The following FRA10AC1 variants were observed in gnomAD, a reference collection of about 807,000 sequenced individuals.
FRA10AC1 encodes the protein FRA10A associated CGG repeat 1.
A neutral mutation model predicts 56.5 loss-of-function variants in FRA10AC1; 43 were observed. The ratio of observed to expected loss-of-function variants is 0.76; its 90% CI spans 0.60 to 0.98. FRA10AC1 has a LOEUF of 0.98. Ranked by LOEUF, FRA10AC1 falls within the 50% of genes least tolerant of loss-of-function variation. The pLI, the probability that FRA10AC1 is intolerant of heterozygous loss-of-function variation, is 0.00. For missense variants in FRA10AC1, 346 were observed against 351.8 expected (o/e 0.98, Z 0.13); for synonymous variants, 112 against 110.5 (o/e 1.01, Z -0.09).
chr10:93,675,185 C>T (rs561011675), intron 12 of FRA10AC1: 4 of 152,304 alleles, frequency 2.6e-5, no homozygotes, highest in Non-Finnish European at 4.4e-5. Context: ...ATCTCCCTCT[C>T]TGCTAAATTT....
intron 1 of FRA10AC1, among the ~76,000 whole-genome samples, chr10:93,700,999 TA>T (rs1157074465): frequency 2.0e-5 from 3 of 152,056 alleles, no homozygotes; most frequent in Non-Finnish European, 4.4e-5. Flanking sequence ...CTGGCAAACT[TA>T]AAAAAATTTT....
At chr10:93,669,941 A>G in intron 13 of FRA10AC1, 73 bp from the exon 14 acceptor site, 1 of 737,204 alleles carries the variant, frequency 1.4e-6, no homozygotes, top group Non-Finnish European at 2.3e-6. Flanking sequence ...ATATGAGATT[A>G]ATAAAAATAA....
rs766594449 is a variant in FRA10AC1 at position 93,694,918 on chromosome 10, A to G, written c.239T>C (p.Phe80Ser). 1 of 1,558,816 alleles carries G rather than the reference A, an allele frequency of 6.4e-7. No individual in the cohort carries two copies. The highest frequency in any genetic ancestry group is 1.1e-5 in the South Asian group (1 of 89,722). Residue 80 changes from phenylalanine (F) to serine (S), a missense_variant, in exon 5 of 14, where the codon TTC becomes TCC. Phe to Ser is a radical substitution (Grantham distance 155, BLOSUM62 -2). Coordinates refer to ENST00000359204, the MANE Select transcript of FRA10AC1 (RefSeq NM_145246.5). The part of the protein sequence containing the change: ...AMDAYQRHTK[F>S]VNDYILYYGG... The stretch of plus-strand genomic sequence containing the variant: ...ATAGTATAAAATATAGTCATTTACG[A>G]ACTTTGTATGTCTTTGATACTGAAA...
chr10:93,694,708 C>G (rs2059198923), intron 5 of FRA10AC1, among the ~76,000 whole-genome samples, 153 bp downstream of exon 5: 1 of 93,442 alleles, frequency 1.1e-5, no homozygotes, highest in Non-Finnish European at 2.1e-5. Context: ...AGTGAGACTC[C>G]ATCTTAAAAA....
chr10:93,692,088 T>C lies in FRA10AC1; in HGVS notation c.386A>G (p.Lys129Arg). The change falls in exon 7 of 14, where the codon AAG (lysine) becomes AGG (arginine). Residue 129 changes from lysine (K) to arginine (R), a missense_variant. Physicochemically the swap from Lys to Arg is conservative, Grantham distance 26. Coordinates refer to ENST00000359204, the MANE Select transcript of FRA10AC1 (RefSeq NM_145246.5). Reference protein sequence around the residue: ...EEDEMDMTWEKRLAKKYYDKL... With the variant: ...EEDEMDMTWERRLAKKYYDKL... ...ATCATAGTATTTCTTAGCAAGTCTC[T>C]TCTCCCTAGACCCATGAAAATATAA... 6.5e-7 allele frequency: 1 copy of C among 1,542,660 alleles called. No homozygotes were observed. Among genetic ancestry groups the C allele is most frequent in the Non-Finnish European group, 8.7e-7 (1 of 1,151,528 alleles).
At chr10:93,673,530 T>C (rs1163682068) in intron 12 of FRA10AC1, 8 of 363,780 alleles carry the variant, frequency 2.2e-5, no homozygotes, top group African/African-American at 6.4e-5. Flanking sequence ...TCATCTTGGT[T>C]TTTGTGGATA....
chr10:93,678,547 G>A (rs1446325645), intron 11 of FRA10AC1, among the ~76,000 whole-genome samples: 1 of 152,178 alleles, frequency 6.6e-6, no homozygotes, highest in Non-Finnish European at 1.5e-5. Context: ...AGCAGCTAAG[G>A]AGGTCGGGTG....
At position 93,681,470 on chromosome 10, in the gene FRA10AC1, T is replaced by C. The variant is rs370230472; in HGVS notation, c.787+10A>G. On this transcript the variant is annotated intron_variant, in intron 11 of 13. Transcript: ENST00000359204. ...ATGTGAGTAGATGCCTTATCTTAAT[T>C]TCCTTTTACCTTTATCTTTTTTCTT... The C allele has an allele frequency of 2.0e-6, 3 of 1,516,772 alleles. No homozygotes were observed. The highest frequency in any genetic ancestry group is 2.8e-5 in the African/African-American group (2 of 70,312). The allele number at this position is 1,516,772 out of a possible 1,614,324, so 94.0% of individuals were successfully genotyped here.
At chr10:93,692,525 T>A (rs903733334) in intron 6 of FRA10AC1, 121 bp downstream of exon 6, 10 of 650,594 alleles carry the variant, frequency 1.5e-5, no homozygotes, top group Non-Finnish European at 2.7e-5. Context: ...GGCTTGATTT[T>A]ATGTCCTTGA....
chr10:93,688,530 G>C (rs529532185), intron 7 of FRA10AC1, among the ~76,000 whole-genome samples: 1 of 152,276 alleles, frequency 6.6e-6, no homozygotes, highest in East Asian at 1.9e-4. Flanking sequence ...ATCAACGTAG[G>C]TTCACTGATT....
At chr10:93,687,563 T>A in intron 7 of FRA10AC1, 114 bp from the exon 8 acceptor site, 3 of 1,012,404 alleles carry the variant, frequency 3.0e-6, no homozygotes, top group Non-Finnish European at 4.1e-6. Context: ...ATTCCCATCA[T>A]GACAGATTTT....
intron 10 of FRA10AC1, 30 bp downstream of exon 10, chr10:93,684,026 C>G (rs1318546315): frequency 6.9e-7 from 1 of 1,447,052 alleles, no homozygotes; most frequent in East Asian, 2.3e-5. Context: ...GATTACTAAA[C>G]ATTAAGAATG....
chr10:93,689,733 T>C (rs1026052475), intron 7 of FRA10AC1, among the ~76,000 whole-genome samples: 3 of 152,214 alleles, frequency 2.0e-5, no homozygotes, highest in Non-Finnish European at 4.4e-5. Flanking sequence ...TATTATTTCC[T>C]GACATAAATG....
chr10:93,667,925 T>C lies in FRA10AC1; in HGVS notation c.*1901A>G, dbSNP rs2058706533. 1 of 152,164 alleles carries C rather than the reference T, an allele frequency of 6.6e-6. No homozygotes were observed. The highest frequency in any genetic ancestry group is 2.4e-5 in the African/African-American group (1 of 41,444). The allele number at this position is 152,164 out of a possible 1,614,324, so 9.4% of individuals were successfully genotyped here. The stretch of plus-strand genomic sequence containing the variant: ...ATTTATTCAAGAAGTGAGGGGACTA[T>C]CAAACAATGTTAAACACTGATAAAC... On this transcript the variant is annotated 3_prime_UTR_variant, in exon 14 of 14. Transcript: ENST00000359204.
intron 12 of FRA10AC1, chr10:93,672,559 C>T (rs41290230): frequency 0.041 from 6,180 of 152,388 alleles, 153 homozygotes; most frequent in Non-Finnish European, 0.063. Flanking sequence ...TGCCAGAGAA[C>T]GAAACCTACA....
intron 5 of FRA10AC1, among the ~76,000 whole-genome samples, chr10:93,693,519 AT>A: frequency 6.2e-5 from 1 of 16,230 alleles, no homozygotes; most frequent in African/African-American, 1.5e-4. Flanking sequence ...CACCATATAT[AT>A]ATATATACAC....
intron 12 of FRA10AC1, 70 bp downstream of exon 12, chr10:93,676,583 G>A (rs2058844189): frequency 4.7e-6 from 7 of 1,475,058 alleles, no homozygotes; most frequent in Admixed American, 2.8e-5. Context: ...AGCAAGATAC[G>A]ATTCATGGGA....
At chr10:93,687,025 G>A (rs781214611) in intron 8 of FRA10AC1, among the ~76,000 whole-genome samples, 27 of 151,748 alleles carry the variant, frequency 1.8e-4, no homozygotes, top group Non-Finnish European at 2.8e-4. Context: ...TTCTACTTTT[G>A]AAATGTGGAT....
chr10:93,679,495 G>A (rs1370401354), intron 11 of FRA10AC1, among the ~76,000 whole-genome samples: 2 of 152,192 alleles, frequency 1.3e-5, no homozygotes, highest in African/African-American at 4.8e-5. Context: ...GATGAGCTGG[G>A]ATAGAACTGA....
Sources: allele counts gnomAD v4.1 joint callset (sites outside exome capture counted in the v4.1 genomes callset), GRCh38; gene constraint gnomAD v4.1.1; transcripts MANE v1.5; gene names NCBI Gene and HGNC (gene_info 2026-07-23, HGNC 2026-07-21).